The following GPR158 variants were observed in gnomAD, a reference collection of about 807,000 sequenced individuals.
GPR158 encodes G protein-coupled receptor 158, also known as metabotropic glycine receptor.
In GPR158, 30 loss-of-function variants were observed where a neutral mutation model predicts 78.2. The observed-to-expected ratio is 0.38, with a 90% CI of 0.29 to 0.52. The LOEUF (loss-of-function observed/expected upper bound fraction) is 0.52, where lower values mean the gene tolerates loss of function less well. Among genes scored for constraint, GPR158 ranks in the 20% least tolerant of loss-of-function variants. GPR158 has a pLI of 0.83. For synonymous variants in GPR158, 581 were observed against 591.1 expected (o/e 0.98, Z 0.25); for missense variants, 1,463 against 1,523.5 (o/e 0.96, Z 0.66).
Position 25,460,556 on chromosome 10 carries a change from A to C in GPR158, c.1336-6095A>C, listed in dbSNP as rs1835346370. ...AAGGTTTTTAAAATTTATTTATTAA[A>C]GTATATTACATAGTAATAAATGACT... On this transcript the variant is annotated intron_variant, in intron 4 of 10. Transcript: ENST00000376351. Among the ~76,000 whole-genome samples, 4 of 152,336 alleles carry C rather than the reference A, an allele frequency of 2.6e-5. No individual in the cohort carries two copies. The South Asian group carries it at 8.3e-4, about 32-fold the overall frequency.
At chr10:25,549,929 G>A (rs751508973) in intron 5 of GPR158, among the ~76,000 whole-genome samples, 6 of 152,130 alleles carry the variant, frequency 3.9e-5, no homozygotes, top group African/African-American at 9.7e-5. Flanking sequence ...TTTCTGTTAC[G>A]ACCTTGCTTT....
At chr10:25,231,557 A>G (rs1296764100) in intron 2 of GPR158, among the ~76,000 whole-genome samples, 1 of 152,138 alleles carries the variant, frequency 6.6e-6, no homozygotes, top group Admixed American at 6.6e-5. Flanking sequence ...GGACCTTTGA[A>G]ATATTTGAAT....
chr10:25,355,711 T>C (rs931462894), intron 2 of GPR158, among the ~76,000 whole-genome samples: 2 of 152,114 alleles, frequency 1.3e-5, no homozygotes, highest in African/African-American at 4.8e-5. Context: ...TATTTTCATT[T>C]TCTGCCAGGT....
intron 4 of GPR158, among the ~76,000 whole-genome samples, chr10:25,419,947 A>G (rs1488227975): frequency 6.6e-6 from 1 of 152,138 alleles, no homozygotes. Context: ...CATGCAGACT[A>G]GTTTTACTAC....
At chr10:25,219,636 G>A (rs753339088) in intron 1 of GPR158, among the ~76,000 whole-genome samples, 4 of 152,138 alleles carry the variant, frequency 2.6e-5, no homozygotes, top group Non-Finnish European at 4.4e-5. Flanking sequence ...TATGTTTTGA[G>A]CATGTAGGCA....
At chr10:25,410,952 CTGAG>C (rs1193334278) in intron 3 of GPR158, among the ~76,000 whole-genome samples, 1 of 152,160 alleles carries the variant, frequency 6.6e-6, no homozygotes, top group Non-Finnish European at 1.5e-5. Context: ...TTCTGTTAAA[CTGAG>C]TATTATTAAA....
At chr10:25,268,876 C>G (rs1303664620) in intron 2 of GPR158, among the ~76,000 whole-genome samples, 1 of 152,128 alleles carries the variant, frequency 6.6e-6, no homozygotes, top group Non-Finnish European at 1.5e-5. Flanking sequence ...TTAGGAGCAT[C>G]CTAAGTATTT....
intron 4 of GPR158, among the ~76,000 whole-genome samples, chr10:25,448,372 G>A (rs777752441): frequency 6.6e-6 from 1 of 152,082 alleles, no homozygotes; most frequent in Non-Finnish European, 1.5e-5. Context: ...TTACAGGCGT[G>A]AGCCACCACG....
chr10:25,316,026 T>A (rs1854843061), intron 2 of GPR158, among the ~76,000 whole-genome samples: 1 of 152,184 alleles, frequency 6.6e-6, no homozygotes, highest in South Asian at 2.1e-4. Context: ...TATTTTATAT[T>A]TTCTTTGCTT....
chr10:25,328,581 G>C (rs35832360), intron 2 of GPR158, among the ~76,000 whole-genome samples: 19,496 of 152,042 alleles, frequency 0.13, 1,661 homozygotes, highest in Non-Finnish European at 0.19. Flanking sequence ...AAAAGTCAAT[G>C]TGTCCAGTAA....
intron 2 of GPR158, among the ~76,000 whole-genome samples, chr10:25,341,273 T>A (rs1455232986): frequency 6.6e-6 from 1 of 151,936 alleles, no homozygotes; most frequent in East Asian, 1.9e-4. Flanking sequence ...ATACAAATAT[T>A]GAATGTGGGT....
Position 25,490,729 on chromosome 10 carries a change from T to C in GPR158, c.1404+24010T>C, listed in dbSNP as rs910720349. Among the ~76,000 whole-genome samples, 52 of 147,834 alleles carry C rather than the reference T, an allele frequency of 3.5e-4. 1 individual carries two copies. The highest frequency in any genetic ancestry group is 1.1e-3 in the African/African-American group (45 of 39,746). On this transcript the variant is annotated intron_variant, in intron 5 of 10. Coordinates refer to ENST00000376351, the MANE Select transcript of GPR158 (RefSeq NM_020752.3). ...TGGGTTGCTTCCAAGTCTTTGCTAT[T>C]GTGAATAATGCCGCAATAAACATAT... is the stretch of plus-strand genomic sequence containing the variant.
At chr10:25,592,148 GTTCT>G (rs1837349272) in intron 8 of GPR158, among the ~76,000 whole-genome samples, 1 of 151,778 alleles carries the variant, frequency 6.6e-6, no homozygotes, top group Admixed American at 6.6e-5. Context: ...TATAGCATGT[GTTCT>G]TTCTTATATG....
At chr10:25,490,011 G>A (rs1835783807) in intron 5 of GPR158, among the ~76,000 whole-genome samples, 1 of 152,106 alleles carries the variant, frequency 6.6e-6, no homozygotes, top group African/African-American at 2.4e-5. Flanking sequence ...CTTTTTGTAT[G>A]ATGAAATGCA....
At chr10:25,202,364 A>G (rs2130656619) in intron 1 of GPR158, among the ~76,000 whole-genome samples, 1 of 152,018 alleles carries the variant, frequency 6.6e-6, no homozygotes, top group East Asian at 1.9e-4. Flanking sequence ...TTAACTCGTC[A>G]TTTACATTAG....
At chr10:25,292,607 A>G (rs1854455440) in intron 2 of GPR158, among the ~76,000 whole-genome samples, 1 of 152,116 alleles carries the variant, frequency 6.6e-6, no homozygotes, top group African/African-American at 2.4e-5. Flanking sequence ...ATAGAGCTAA[A>G]TTTAGTATAA....
At chr10:25,218,157 A>G (rs901733089) in intron 1 of GPR158, among the ~76,000 whole-genome samples, 1 of 151,572 alleles carries the variant, frequency 6.6e-6, no homozygotes, top group Admixed American at 6.6e-5. Context: ...TCCCCCCGAC[A>G]GGAAGTCTAC....
intron 2 of GPR158, among the ~76,000 whole-genome samples, chr10:25,246,608 A>T (rs1196241913): frequency 2.0e-5 from 3 of 152,202 alleles, no homozygotes; most frequent in Admixed American, 1.3e-4. Flanking sequence ...GCCTGCAAAG[A>T]GCTTGACGTT....
At chr10:25,203,944 G>C (rs1852973069) in intron 1 of GPR158, among the ~76,000 whole-genome samples, 1 of 144,410 alleles carries the variant, frequency 6.9e-6, no homozygotes, top group Non-Finnish European at 1.5e-5. Context: ...TTGAGCAGTG[G>C]TTTGTACTTC....
Sources: gnomAD v4.1 joint callset for allele counts (sites outside exome capture counted in the v4.1 genomes callset) on GRCh38, gnomAD v4.1.1 for gene constraint, MANE v1.5 for transcripts, NCBI Gene and HGNC (gene_info 2026-07-23, HGNC 2026-07-21) for gene names.